CDK5RAP2: variants seen among roughly 807,000 people sequenced by gnomAD.
CDK5RAP2 encodes the protein CDK5 regulatory subunit-associated protein 2.
Under a neutral mutation model 232.9 loss-of-function variants are expected in CDK5RAP2, and 147 were observed. The ratio of observed to expected loss-of-function variants is 0.63; its 90% CI spans 0.55 to 0.72. The LOEUF is 0.72. Among genes scored for constraint, CDK5RAP2 ranks in the 30% least tolerant of loss-of-function variants. CDK5RAP2 has a pLI of 0.00. For synonymous variants in CDK5RAP2, 833 were observed against 833.7 expected (o/e 1.00, Z 0.01); for missense variants, 2,195 against 2,231.5 (o/e 0.98, Z 0.33).
At chr9:120,561,370 C>CA (rs1399815289) in intron 3 of CDK5RAP2, among the ~76,000 whole-genome samples, 3 of 152,138 alleles carry the variant, frequency 2.0e-5, no homozygotes, top group Admixed American at 2.0e-4. Flanking sequence ...ATTCATGGCT[C>CA]ACTGCAGCCT....
chr9:120,501,272 T>C (rs1163617730), intron 12 of CDK5RAP2, among the ~76,000 whole-genome samples: 2 of 152,342 alleles, frequency 1.3e-5, no homozygotes, highest in East Asian at 3.9e-4. Flanking sequence ...GGTTGCTCCC[T>C]TACTTTCTTC....
intron 23 of CDK5RAP2, chr9:120,440,274 A>G (rs2035824593): frequency 9.6e-6 from 4 of 418,064 alleles, no homozygotes; most frequent in Non-Finnish European, 1.8e-5. Context: ...AAATTCATCG[A>G]CATTCCCAGT....
At chr9:120,420,028 C>T (rs1453003374) in intron 26 of CDK5RAP2, 68 bp from the exon 27 acceptor site, 18 of 1,228,382 alleles carry the variant, frequency 1.5e-5, no homozygotes, top group African/African-American at 6.0e-5. Context: ...CTATGACTTA[C>T]GAATACTTAC....
Position 120,487,281 on chromosome 9 carries a change from C to G in CDK5RAP2, c.1626+13G>C. 2 of 1,613,950 alleles carry G rather than the reference C, an allele frequency of 1.2e-6. No homozygotes were observed. Among genetic ancestry groups the G allele is most frequent in the South Asian group, 2.2e-5 (2 of 91,076 alleles). On this transcript the variant is annotated intron_variant, in intron 14 of 37. Coordinates refer to ENST00000349780, the MANE Select transcript of CDK5RAP2 (RefSeq NM_018249.6). ...CCATTCGCATGTGAATGTCCAATTT[C>G]AGTCAAGCTTACCTTAGAGAAGATG...
intron 10 of CDK5RAP2, among the ~76,000 whole-genome samples, chr9:120,525,989 C>G (rs376483470): frequency 4.6e-5 from 7 of 152,340 alleles, no homozygotes; most frequent in African/African-American, 1.7e-4. Context: ...CTTAGCAACA[C>G]CCCCAGTTTC....
chr9:120,567,084 G>A (rs2042673664), intron 3 of CDK5RAP2, among the ~76,000 whole-genome samples: 2 of 152,192 alleles, frequency 1.3e-5, no homozygotes, highest in South Asian at 2.1e-4. Flanking sequence ...AACAGTAGCT[G>A]TTATTACTCT....
intron 12 of CDK5RAP2, among the ~76,000 whole-genome samples, 173 bp downstream of exon 12, chr9:120,518,253 TA>T (rs1338785596): frequency 7.6e-6 from 1 of 131,206 alleles, no homozygotes; most frequent in Non-Finnish European, 1.6e-5. Flanking sequence ...GCGAGGAGAA[TA>T]AAAGGACTGA....
chr9:120,470,914 A>G (rs2037668848), intron 16 of CDK5RAP2, among the ~76,000 whole-genome samples: 1 of 152,356 alleles, frequency 6.6e-6, no homozygotes. Flanking sequence ...AATACAGTGC[A>G]GAATACTGGA....
intron 36 of CDK5RAP2, among the ~76,000 whole-genome samples, chr9:120,392,224 C>G (rs960643938): frequency 6.6e-6 from 1 of 151,954 alleles, no homozygotes; most frequent in South Asian, 2.1e-4. Flanking sequence ...GATGAGAAAA[C>G]TGGGGTGCTT....
rs2034633485 is a variant in CDK5RAP2, at chr9:120,422,640, A to G, written c.4004+53T>C. 5 of 1,379,966 alleles carry G rather than the reference A, an allele frequency of 3.6e-6. No homozygotes were observed. In the Admixed American group the frequency reaches 8.4e-5, roughly 23 times the overall value. 85.5% of individuals were successfully genotyped at this position (1,379,966 alleles called of 1,614,324 possible). A position where few individuals can be genotyped will look rare whatever the true frequency, so the allele number is the denominator to read the frequency against. On this transcript the variant is annotated intron_variant, in intron 26 of 37. Transcript: ENST00000349780. ...AAAATATTTTAAAAGCTGGCAGGTA[A>G]ATCAGACCTAGAAAGTCCTGGGAAG...
At chr9:120,534,471 G>A (rs546300934) in intron 7 of CDK5RAP2, among the ~76,000 whole-genome samples, 1 of 152,198 alleles carries the variant, frequency 6.6e-6, no homozygotes, top group African/African-American at 2.4e-5. Context: ...CTCCCACCCT[G>A]CTGGATGATA....
At chr9:120,451,953 T>C (rs986972676) in intron 21 of CDK5RAP2, among the ~76,000 whole-genome samples, 2 of 150,164 alleles carry the variant, frequency 1.3e-5, no homozygotes, top group African/African-American at 4.9e-5. Context: ...ACAAATACGG[T>C]TTCCTTCCTT....
chr9:120,453,965 T>C, intron 20 of CDK5RAP2, 92 bp from the exon 21 acceptor site: 1 of 1,277,642 alleles, frequency 7.8e-7, no homozygotes, highest in East Asian at 2.3e-5. Flanking sequence ...CCACCTACTG[T>C]TGCCCAGATT....
Position 120,498,887 on chromosome 9 carries a change from C to G in CDK5RAP2, c.1312-7410G>C, listed in dbSNP as rs112559311. ...AATAAATAAATAAGTAAATAAAATG[C>G]AATGTATATACCTTGTTTGGATCAT... On this transcript the variant is annotated intron_variant, in intron 12 of 37. Transcript: ENST00000349780. Among the ~76,000 whole-genome samples the G allele has an allele frequency of 1.9e-3, 294 of 152,102 alleles. 2 individuals are homozygous for G. Among genetic ancestry groups the G allele is most frequent in the African/African-American group, 6.7e-3 (280 of 41,508 alleles).
In CDK5RAP2 at chr9:120,406,738, T is replaced by C. The variant is rs1425983785; in HGVS notation, c.4963+274A>G. The C allele has an allele frequency of 7.7e-6, 4 of 519,602 alleles. No homozygotes were observed. The East Asian group carries it at 1.3e-4, about 16-fold the overall frequency. The allele number at this position is 519,602 out of a possible 1,614,324, so 32.2% of individuals were successfully genotyped here. A position where few individuals can be genotyped will look rare whatever the true frequency, so the allele number is the denominator to read the frequency against. On this transcript the variant is annotated intron_variant, in intron 32 of 37. Coordinates refer to ENST00000349780, the MANE Select transcript of CDK5RAP2 (RefSeq NM_018249.6). Reference sequence around the variant, plus strand: ...AGTGATGCAGGCAGGACTAAATGGATAGGAGGGAGCAAGGCCAGAGGCACT... The same window carrying C: ...AGTGATGCAGGCAGGACTAAATGGACAGGAGGGAGCAAGGCCAGAGGCACT...
rs185776453 is a variant in CDK5RAP2, at chr9:120,506,263, G to A, written c.1311+12164C>T. Reference sequence around the variant, plus strand: ...CCTAAATGACAGCACATCTGTTTACGGCATGGTTTACTGAATATTTCAAGC... The same window carrying A: ...CCTAAATGACAGCACATCTGTTTACAGCATGGTTTACTGAATATTTCAAGC... On this transcript the variant is annotated intron_variant, in intron 12 of 37. Transcript: ENST00000349780. 5.3e-5 allele frequency among the ~76,000 whole-genome samples: 8 copies of A among 152,268 alleles called. No homozygotes were observed. The East Asian group carries it at 5.8e-4, about 11-fold the overall frequency.
intron 12 of CDK5RAP2, among the ~76,000 whole-genome samples, chr9:120,518,211 G>GTGTGTGTGTGTGAGAC (rs1554770754): frequency 9.5e-5 from 3 of 31,612 alleles, no homozygotes; most frequent in African/African-American, 2.2e-4. Context: ...GTGTGTGTGT[G>GTGTGTGTGTGTGAGAC]AGAGAGAGAG....
At chr9:120,521,447 G>A (rs576977351) in intron 11 of CDK5RAP2, among the ~76,000 whole-genome samples, 2 of 152,128 alleles carry the variant, frequency 1.3e-5, no homozygotes, top group South Asian at 4.2e-4. Flanking sequence ...GAATCATGGG[G>A]GCAGGTTTTT....
rs142165965 is a variant in CDK5RAP2 at position 120,514,009 on chromosome 9, G to A, written c.1311+4418C>T. Among the ~76,000 whole-genome samples the A allele has an allele frequency of 2.6e-3, 393 of 152,304 alleles. 4 individuals carry two copies. Among genetic ancestry groups the A allele is most frequent in the African/African-American group, 8.9e-3 (370 of 41,564 alleles). On this transcript the variant is annotated intron_variant, in intron 12 of 37. Transcript: ENST00000349780. ...CCCACCATGTTTCCTCAGGCTCTGA[G>A]TAAGCCAGTACTTCCAAGACCTGGT...
Sources: allele counts gnomAD v4.1 joint callset (sites outside exome capture counted in the v4.1 genomes callset), GRCh38; gene constraint gnomAD v4.1.1; transcripts MANE v1.5; gene names NCBI Gene and HGNC (gene_info 2026-07-23, HGNC 2026-07-21).